Variants in TENM3 observed in about 807,000 individuals in gnomAD.
TENM3 encodes teneurin-3.
In TENM3, 63 loss-of-function variants were observed where a neutral mutation model predicts 255.1. The observed-to-expected ratio is 0.25, with a 90% CI of 0.20 to 0.30. The LOEUF (loss-of-function observed/expected upper bound fraction) is 0.30. TENM3 is among the 10% of genes least tolerant of loss of function. TENM3 has a pLI of 1.00. For missense variants in TENM3, 2,929 were observed against 3,461.1 expected (o/e 0.85, Z 3.86); for synonymous variants, 1,306 against 1,322.3 (o/e 0.99, Z 0.27).
chr4:182,324,110 T>G lies in TENM3; in HGVS notation c.90T>G (p.Asn30Lys), dbSNP rs534555806. ...ERRYTNSSAD[N>K]EECRVPTQKS... ...GCTACACAAATTCCTCCGCAGACAA[T>G]GAGGAGTGCCGGGTACCCACACAGA... is the stretch of plus-strand genomic sequence containing the variant. Residue 30 changes from asparagine (N) to lysine (K), a missense_variant, in exon 2 of 28, where the codon AAT becomes AAG. This residue lies in a region of TENM3 where 283 missense variants were observed against 256.9 expected (regional missense o/e 1.10). Transcript: ENST00000511685. 32 of 1,613,886 alleles carry G rather than the reference T, an allele frequency of 2.0e-5. No homozygotes were observed. In the East Asian group the frequency reaches 6.5e-4, roughly 33 times the overall value.
chr4:182,013,932 C>T, the TENM3 span, among the ~76,000 whole-genome samples: 1 of 137,362 alleles, frequency 7.3e-6, no homozygotes, highest in Non-Finnish European at 1.6e-5. Flanking sequence ...ATACATATAT[C>T]TGTGTGTGTA....
the TENM3 span, among the ~76,000 whole-genome samples, chr4:181,464,542 G>C: frequency 6.6e-6 from 1 of 152,240 alleles, no homozygotes; most frequent in East Asian, 1.9e-4. Flanking sequence ...AAATATGCTA[G>C]GTGCAAGTTC....
rs375578627 is a variant in TENM3 at position 182,679,755 on chromosome 4, G to A, written c.1416G>A (p.Ala472=). 141 of 1,613,778 alleles carry A rather than the reference G, an allele frequency of 8.7e-5. No individual in the cohort carries two copies. The highest frequency in any genetic ancestry group is 2.5e-4 in the East Asian group (11 of 44,886). ...LLETERAGRQ[A]RSVSLHEAGF... ...AGACGGAGAGAGCCGGGCGGCAGGC[G>A]AGATCCGTCAGCCTTCATGAGGCCG... The change falls in exon 8 of 28, where the codon GCG becomes GCA. Residue 472 remains alanine, a synonymous_variant. Transcript: ENST00000511685.
the TENM3 span, among the ~76,000 whole-genome samples, chr4:181,683,476 C>T: frequency 0.24 from 35,861 of 152,070 alleles, 4,713 homozygotes; most frequent in African/African-American, 0.35. Context: ...TTGCGGGGCT[C>T]ACTCCCAGAT....
At chr4:182,607,822 G>A (rs1190989241) in intron 4 of TENM3, among the ~76,000 whole-genome samples, 1 of 152,158 alleles carries the variant, frequency 6.6e-6, no homozygotes, top group African/African-American at 2.4e-5. Flanking sequence ...TTGGATAACC[G>A]TAATCTATAT....
chr4:182,079,677 C>G, the TENM3 span: 1 of 152,336 alleles, frequency 6.6e-6, no homozygotes, highest in South Asian at 2.1e-4. Flanking sequence ...CACCTTAACT[C>G]ACTGCTTTAG....
the TENM3 span, among the ~76,000 whole-genome samples, chr4:181,797,166 C>CA: frequency 6.8e-6 from 1 of 146,526 alleles, no homozygotes; most frequent in Non-Finnish European, 1.5e-5. Flanking sequence ...ATCTTTTTTC[C>CA]TTTTTTTTTT....
In TENM3 at chr4:182,799,621, T is replaced by C; in HGVS notation, c.7370T>C (p.Val2457Ala). The C allele has an allele frequency of 6.5e-7, 1 of 1,543,444 alleles. No individual in the cohort carries two copies. Among genetic ancestry groups the C allele is most frequent in the East Asian group, 2.4e-5 (1 of 40,868 alleles). The change falls in exon 28 of 28, where the codon GTG (valine) becomes GCG (alanine). Residue 2457 changes from valine (V) to alanine (A), a missense_variant. Val to Ala is a moderately conservative substitution (Grantham distance 64). Around this residue, in one of 6 missense-constraint regions of TENM3, gnomAD observed 476 missense variants for 480.1 expected, o/e 0.99. Coordinates refer to ENST00000511685, the MANE Select transcript of TENM3 (RefSeq NM_001080477.4). This position sits in a 1 kb window ranked among gnomAD's most constrained non-coding sequence, Gnocchi z 4.2. ...IPPIFGVQQQ[V>A]ARQAKAFLSL... ...CCCATCTTCGGAGTCCAGCAGCAAG[T>C]GGCGCGGCAGGCCAAGGCCTTCCTG...
At chr4:181,913,338 C>T in the TENM3 span, among the ~76,000 whole-genome samples, 48 of 152,220 alleles carry the variant, frequency 3.2e-4, no homozygotes, top group East Asian at 5.0e-3. Flanking sequence ...TGCTCAGTGC[C>T]GCCAAGTGAA....
intron 1 of TENM3, among the ~76,000 whole-genome samples, chr4:182,314,916 C>G (rs904755796): frequency 6.6e-6 from 1 of 152,034 alleles, no homozygotes; most frequent in Non-Finnish European, 1.5e-5. Flanking sequence ...TTTCTGTTTC[C>G]CCTTTCGTGA....
At chr4:181,666,078 T>C in the TENM3 span, among the ~76,000 whole-genome samples, 52,091 of 151,936 alleles carry the variant, frequency 0.34, 9,111 homozygotes, top group Non-Finnish European at 0.36. Context: ...TTCTCACTTA[T>C]CATTGACTCA....
rs1764573200 is a variant in TENM3 at position 182,775,085 on chromosome 4, T to G, written c.5236T>G (p.Leu1746Val). 2 of 1,613,968 alleles carry G rather than the reference T, an allele frequency of 1.2e-6. No individual in the cohort carries two copies. The highest frequency in any genetic ancestry group is 2.7e-5 in the African/African-American group (2 of 75,032). ...TTTGCCTGGCGAGAACGGTCAAAAC[T>G]TGGTGGAATGGAGATTCCGAAAAGA... Reference protein sequence around the residue: ...MTLPGENGQNLVEWRFRKEQA... With the variant: ...MTLPGENGQNVVEWRFRKEQA... Residue 1746 changes from leucine to valine, a missense_variant, in exon 24 of 28, where the codon TTG becomes GTG. Coordinates refer to ENST00000511685, the MANE Select transcript of TENM3 (RefSeq NM_001080477.4).
chr4:181,505,559 G>GAAT, the TENM3 span, among the ~76,000 whole-genome samples: 1 of 151,986 alleles, frequency 6.6e-6, no homozygotes. Flanking sequence ...TCTTTTTACT[G>GAAT]AATAACAGTG....
intron 3 of TENM3, among the ~76,000 whole-genome samples, chr4:182,463,253 G>GA (rs1176768454): frequency 1.3e-3 from 185 of 147,410 alleles, no homozygotes; most frequent in Non-Finnish European, 2.2e-3. Context: ...CAACTTAAAA[G>GA]AAAAAAAAAA....
the TENM3 span, among the ~76,000 whole-genome samples, chr4:182,035,247 A>G: frequency 6.6e-5 from 10 of 152,244 alleles, no homozygotes; most frequent in Admixed American, 3.3e-4. Flanking sequence ...TTTAAATTTC[A>G]TCACTGCTTC....
the TENM3 span, among the ~76,000 whole-genome samples, chr4:181,560,194 T>C: frequency 1.4e-5 from 2 of 147,726 alleles, no homozygotes; most frequent in Admixed American, 6.8e-5. Context: ...GTTTATAGAA[T>C]GCTGTCTTCT....
At chr4:182,175,081 A>C (rs535695208) in intron 1 of TENM3, among the ~76,000 whole-genome samples, 2 of 152,224 alleles carry the variant, frequency 1.3e-5, no homozygotes, top group South Asian at 4.1e-4. Context: ...AACATTTCAG[A>C]AAATGCATTT....
chr4:181,864,824 T>C, the TENM3 span, among the ~76,000 whole-genome samples: 1 of 152,164 alleles, frequency 6.6e-6, no homozygotes, highest in Non-Finnish European at 1.5e-5. Flanking sequence ...TTTAAGTCAG[T>C]GTTTTACAGA....
intron 3 of TENM3, among the ~76,000 whole-genome samples, chr4:182,472,137 C>A (rs961654494): frequency 7.2e-5 from 11 of 152,082 alleles, no homozygotes; most frequent in African/African-American, 2.7e-4. Flanking sequence ...TTTTATTATT[C>A]TGCCTAAATG....
Sources: allele counts gnomAD v4.1 joint callset (sites outside exome capture counted in the v4.1 genomes callset), GRCh38; gene constraint gnomAD v4.1.1; regional missense constraint gnomAD v4.1.1; non-coding constraint Gnocchi (gnomAD v3.1); transcripts MANE v1.5; gene names NCBI Gene and HGNC (gene_info 2026-07-23, HGNC 2026-07-21).